Variants in NTM observed in about 807,000 individuals in gnomAD.
NTM encodes IgLON family member 2.
In NTM, 13 loss-of-function variants were observed where a neutral mutation model predicts 42.1. The ratio of observed to expected loss-of-function variants is 0.31; its 90% CI spans 0.20 to 0.49. The LOEUF (loss-of-function observed/expected upper bound fraction) is 0.49, where lower values mean the gene tolerates loss of function less well. Among genes scored for constraint, NTM ranks in the 20% least tolerant of loss-of-function variants. The probability of loss-of-function intolerance (pLI) is 0.99; values close to 1 mark genes in which losing one functional copy is unlikely to be tolerated. For missense variants in NTM, 373 were observed against 452.8 expected (o/e 0.82, Z 1.60); for synonymous variants, 187 against 179.2 (o/e 1.04, Z -0.35).
chr11:131,882,815 T>C (rs1172392895), intron 1 of NTM, among the ~76,000 whole-genome samples: 1 of 152,234 alleles, frequency 6.6e-6, no homozygotes, highest in Non-Finnish European at 1.5e-5. Context: ...ATTTACCATA[T>C]TTAAACATTT....
chr11:131,495,762 G>A (rs528284820), intron 1 of NTM, among the ~76,000 whole-genome samples: 12 of 152,330 alleles, frequency 7.9e-5, no homozygotes, highest in Non-Finnish European at 1.5e-4. Context: ...GGCCCTCCTT[G>A]AGGCTCAGCA....
intron 2 of NTM, among the ~76,000 whole-genome samples, chr11:132,104,013 G>C (rs2061954167): frequency 6.6e-6 from 1 of 152,214 alleles, no homozygotes; most frequent in Non-Finnish European, 1.5e-5. Context: ...ACACCAACTT[G>C]TATGTGTGTT....
At position 131,794,780 on chromosome 11, in the gene NTM, G is replaced by T. The variant is rs998621230; in HGVS notation, c.83-116784G>T. ...GTGAGCTCCACACACCATGTGAAAAGCATTCATGTACTTTGGAAGCCCCTA... is the reference window on the plus strand; with the variant it reads ...GTGAGCTCCACACACCATGTGAAAATCATTCATGTACTTTGGAAGCCCCTA... On this transcript the variant is annotated intron_variant, in intron 1 of 8. Transcript: ENST00000683400. 1.5e-5 allele frequency: 15 copies of T among 985,392 alleles called. No homozygotes were observed. In the African/African-American group the frequency reaches 2.4e-4, roughly 16 times the overall value. 61.0% of individuals were successfully genotyped at this position (985,392 alleles called of 1,614,324 possible).
chr11:131,440,475 T>G (rs188032243), intron 1 of NTM, among the ~76,000 whole-genome samples: 14 of 152,258 alleles, frequency 9.2e-5, no homozygotes, highest in African/African-American at 3.4e-4. Flanking sequence ...TACCATGCTT[T>G]ATTACCAAGT....
At chr11:131,855,250 A>G (rs553569914) in intron 1 of NTM, among the ~76,000 whole-genome samples, 7 of 152,360 alleles carry the variant, frequency 4.6e-5, no homozygotes, top group African/African-American at 1.7e-4. Flanking sequence ...GAGACTCACA[A>G]TCTATCAAGG....
intron 1 of NTM, among the ~76,000 whole-genome samples, chr11:131,606,158 C>CT (rs2060939527): frequency 6.6e-6 from 1 of 152,086 alleles, no homozygotes; most frequent in African/African-American, 2.4e-5. Flanking sequence ...ATTTGCCTAC[C>CT]TCAGCCACCC....
intron 1 of NTM, among the ~76,000 whole-genome samples, chr11:131,447,715 G>A (rs145766571): frequency 5.3e-5 from 8 of 152,260 alleles, no homozygotes; most frequent in East Asian, 1.9e-4. Flanking sequence ...CCACAAAGAC[G>A]AGATGATGGA....
Position 132,003,451 on chromosome 11 carries a change from T to G in NTM, c.167+91803T>G, listed in dbSNP as rs1015003346. 2.0e-5 allele frequency among the ~76,000 whole-genome samples: 3 copies of G among 151,998 alleles called. No individual in the cohort carries two copies. Among genetic ancestry groups the G allele is most frequent in the Non-Finnish European group, 2.9e-5 (2 of 68,010 alleles). On this transcript the variant is annotated intron_variant, in intron 2 of 8. Coordinates refer to ENST00000683400, the MANE Select transcript of NTM (RefSeq NM_001352005.2). This position sits in a 1 kb window ranked among gnomAD's most constrained non-coding sequence, Gnocchi z 6.0. ...TGTAGAGACAGACTGTCCTTATATT[T>G]CCCAGGCTGCTCTTGAGTTCCTGGG...
chr11:132,008,764 C>T (rs965990999), intron 2 of NTM, among the ~76,000 whole-genome samples: 2 of 151,930 alleles, frequency 1.3e-5, no homozygotes. Flanking sequence ...TCTGTCTTGC[C>T]ACATCAGGTT....
chr11:132,328,397 T>C (rs964860058), intron 7 of NTM, among the ~76,000 whole-genome samples: 1 of 151,888 alleles, frequency 6.6e-6, no homozygotes, highest in African/African-American at 2.4e-5. Flanking sequence ...CTAAAAAGAG[T>C]TGGCCATCTT....
intron 1 of NTM, among the ~76,000 whole-genome samples, chr11:131,443,372 T>C (rs1384204063): frequency 6.6e-6 from 1 of 152,234 alleles, no homozygotes; most frequent in African/African-American, 2.4e-5. Flanking sequence ...GGTTGTATCA[T>C]ATTTGGAGAA....
Position 132,146,822 on chromosome 11 carries a change from T to TTTTTG in NTM, c.400+328_400+332dup, listed in dbSNP as rs975791105. 5.3e-5 allele frequency: 20 copies of TTTTTG among 377,888 alleles called. No individual in the cohort carries two copies. The highest frequency in any genetic ancestry group is 6.2e-5 in the African/African-American group (3 of 48,058). The allele number at this position is 377,888 out of a possible 1,614,324, so 23.4% of individuals were successfully genotyped here. On this transcript the variant is annotated intron_variant, in intron 3 of 8. Coordinates refer to ENST00000683400, the MANE Select transcript of NTM (RefSeq NM_001352005.2). This position sits in a 1 kb window ranked among gnomAD's most constrained non-coding sequence, Gnocchi z 4.5. ...GTTTTAGTTATTTTTGTTTGTTTGT[T>TTTTTG]TTTTGTTTTGTTTTGTTTTGTTTTT...
chr11:132,141,426 G>A (rs2069129600), intron 2 of NTM, among the ~76,000 whole-genome samples: 1 of 152,178 alleles, frequency 6.6e-6, no homozygotes, highest in Admixed American at 6.5e-5. Context: ...AATGCAGCAT[G>A]TGTAATAAAA....
intron 2 of NTM, among the ~76,000 whole-genome samples, chr11:132,005,201 C>G (rs993813345): frequency 6.6e-6 from 1 of 152,176 alleles, no homozygotes; most frequent in Non-Finnish European, 1.5e-5. Flanking sequence ...TTCTGCACCT[C>G]TGGGGATGGA....
intron 1 of NTM, among the ~76,000 whole-genome samples, chr11:131,785,659 C>G (rs1033166615): frequency 6.6e-6 from 1 of 152,132 alleles, no homozygotes; most frequent in Non-Finnish European, 1.5e-5. Flanking sequence ...AAATCTTGCT[C>G]AAAGACACTG....
intron 2 of NTM, among the ~76,000 whole-genome samples, chr11:132,075,865 A>C (rs1404542189): frequency 2.0e-5 from 3 of 152,208 alleles, no homozygotes; most frequent in South Asian, 2.1e-4. Flanking sequence ...TGTCTCTCAG[A>C]ATTATTGAAA....
intron 2 of NTM, among the ~76,000 whole-genome samples, chr11:132,104,609 G>GTAATAATAATAATAATAATAA (rs147673814): frequency 5.6e-4 from 82 of 146,376 alleles, no homozygotes; most frequent in African/African-American, 2.0e-3. Context: ...ATAACTAATA[G>GTAATAATAATAATAATAATAA]TAATAATCAT....
chr11:131,883,071 G>T lies in NTM; in HGVS notation c.83-28493G>T, dbSNP rs148911391. On this transcript the variant is annotated intron_variant, in intron 1 of 8. Coordinates refer to ENST00000683400, the MANE Select transcript of NTM (RefSeq NM_001352005.2). ...GAAAAGATGGCAGCACCTGCCAAAA[G>T]GACTTCTGTGCTCCGTAGCCTCACA... 9.5e-3 allele frequency among the ~76,000 whole-genome samples: 1,448 copies of T among 152,222 alleles called. 19 individuals carry two copies. Among genetic ancestry groups the T allele is most frequent in the African/African-American group, 0.033 (1,362 of 41,532 alleles).
chr11:131,553,274 T>A (rs1398310263), intron 1 of NTM, among the ~76,000 whole-genome samples: 11 of 152,122 alleles, frequency 7.2e-5, no homozygotes, highest in African/African-American at 2.4e-4. Flanking sequence ...AAGCTGCACA[T>A]CTATATTGTG....
Sources: gnomAD v4.1 joint callset for allele counts (sites outside exome capture counted in the v4.1 genomes callset) on GRCh38, gnomAD v4.1.1 for gene constraint, Gnocchi (gnomAD v3.1) non-coding constraint, MANE v1.5 for transcripts, NCBI Gene and HGNC (gene_info 2026-07-23, HGNC 2026-07-21) for gene names.